The following SERGEF variants were observed in gnomAD, a reference collection of about 807,000 sequenced individuals.
The protein encoded by SERGEF is secretion-regulating guanine nucleotide exchange factor.
SERGEF carries 51 observed loss-of-function variants against 50.0 expected under a neutral mutation model. The ratio of observed to expected loss-of-function variants is 1.02; its 90% CI spans 0.81 to 1.29. The LOEUF is 1.29. Ranked by LOEUF, SERGEF falls within the 50% of genes most tolerant of loss-of-function variation. SERGEF has a pLI of 0.00. For missense variants in SERGEF, 521 were observed against 557.0 expected (o/e 0.94, Z 0.65); for synonymous variants, 205 against 212.4 (o/e 0.97, Z 0.30).
chr11:17,824,781 C>T (rs1454302313), intron 10 of SERGEF, among the ~76,000 whole-genome samples: 3 of 152,194 alleles, frequency 2.0e-5, no homozygotes, highest in Non-Finnish European at 4.4e-5. Context: ...ATTAGGGCTC[C>T]ATCCTTAAGA....
At chr11:17,930,851 A>G (rs1852338938) in intron 9 of SERGEF, among the ~76,000 whole-genome samples, 1 of 152,186 alleles carries the variant, frequency 6.6e-6, no homozygotes, top group Non-Finnish European at 1.5e-5. Flanking sequence ...ACAGTGAGAA[A>G]GATCTGAGAT....
At chr11:17,850,442 T>C (rs996535226) in intron 10 of SERGEF, among the ~76,000 whole-genome samples, 1 of 152,206 alleles carries the variant, frequency 6.6e-6, no homozygotes, top group Non-Finnish European at 1.5e-5. Flanking sequence ...AATGTTATAA[T>C]GAGTGTAAAA....
chr11:17,891,012 T>C (rs16934794), intron 9 of SERGEF, among the ~76,000 whole-genome samples: 8,854 of 152,270 alleles, frequency 0.058, 878 homozygotes, highest in African/African-American at 0.2. Flanking sequence ...AGCTCTTACC[T>C]AGAGGCATCT....
chr11:17,788,287 C>T lies in SERGEF; in HGVS notation c.1175G>A (p.Gly392Glu). The change falls in exon 11 of 11, where the codon GGG becomes GAG. Residue 392 changes from glycine to glutamate, a missense_variant. Coordinates refer to ENST00000265965, the MANE Select transcript of SERGEF (RefSeq NM_012139.4). ...GCAGAGGGCCAAGGAGTGGCCAGCC[C>T]CACAGCCCACAAGGAGTCCTGACGA... is the stretch of plus-strand genomic sequence containing the variant. ...LSSSGLLVGC[G>E]AGHSLALCQL... is the part of the protein sequence containing the mutation. 4 of 1,614,174 alleles carry T rather than the reference C, an allele frequency of 2.5e-6. No homozygotes were observed. The East Asian group carries it at 8.9e-5, about 36-fold the overall frequency.
intron 10 of SERGEF, among the ~76,000 whole-genome samples, chr11:17,867,653 C>A (rs1243416728): frequency 2.0e-5 from 3 of 152,232 alleles, no homozygotes; most frequent in Non-Finnish European, 2.9e-5. Context: ...TCTGACCCCA[C>A]ATTTCCCTTC....
chr11:17,878,162 C>A, intron 10 of SERGEF, 46 bp downstream of exon 10: 1 of 1,394,012 alleles, frequency 7.2e-7, no homozygotes, highest in South Asian at 1.2e-5. Context: ...CCAATTCTGC[C>A]ACATGATTTT....
chr11:17,905,772 G>A (rs1209168408), intron 9 of SERGEF, among the ~76,000 whole-genome samples: 1 of 152,232 alleles, frequency 6.6e-6, no homozygotes, highest in East Asian at 1.9e-4. Context: ...CTATGCTCTG[G>A]TCCTTTCCTC....
At chr11:17,948,704 GGA>G (rs1852717225) in intron 9 of SERGEF, among the ~76,000 whole-genome samples, 1 of 152,298 alleles carries the variant, frequency 6.6e-6, no homozygotes, top group South Asian at 2.1e-4. Context: ...GGCCCCTGTG[GGA>G]GCCACAGTAG....
intron 1 of SERGEF, chr11:18,012,421 A>C: frequency 1.1e-6 from 1 of 923,860 alleles, no homozygotes; most frequent in Non-Finnish European, 1.3e-6. Context: ...CCCCCAACAC[A>C]TGCAAGAACC....
At chr11:17,987,179 A>T (rs1853618049) in intron 8 of SERGEF, among the ~76,000 whole-genome samples, 1 of 152,260 alleles carries the variant, frequency 6.6e-6, no homozygotes, top group Non-Finnish European at 1.5e-5. Context: ...CTTTCTGTTC[A>T]TGAACATCTA....
At chr11:17,995,700 A>G (rs752824381) in intron 6 of SERGEF, 96 bp downstream of exon 6, 7 of 861,254 alleles carry the variant, frequency 8.1e-6, no homozygotes, top group Non-Finnish European at 1.3e-5. Context: ...ACCAAGAAAT[A>G]GCAAAATCAA....
Position 17,958,578 on chromosome 11 carries a change from A to C in SERGEF, c.1011+892T>G, listed in dbSNP as rs1852922840. Among the ~76,000 whole-genome samples, 5 of 152,210 alleles carry C rather than the reference A, an allele frequency of 3.3e-5. No individual in the cohort carries two copies. The South Asian group carries it at 1.0e-3, about 32-fold the overall frequency. ...AGTGTTTTCTGGACTGGGAAAAATA[A>C]ACACGAGTATAAAATGTTTAGCTCA... On this transcript the variant is annotated intron_variant, in intron 9 of 10. Coordinates refer to ENST00000265965, the MANE Select transcript of SERGEF (RefSeq NM_012139.4).
chr11:17,844,319 T>C (rs1163935447), intron 10 of SERGEF, among the ~76,000 whole-genome samples: 1 of 152,234 alleles, frequency 6.6e-6, no homozygotes. Context: ...CAATGTTATA[T>C]GTTTACTGAA....
At chr11:17,847,154 G>C (rs1387432345) in intron 10 of SERGEF, among the ~76,000 whole-genome samples, 1 of 152,242 alleles carries the variant, frequency 6.6e-6, no homozygotes. Flanking sequence ...GGTCACTGCC[G>C]CAAATTGAAT....
At chr11:17,999,305 G>T (rs976039998) in intron 5 of SERGEF, among the ~76,000 whole-genome samples, 9 of 152,200 alleles carry the variant, frequency 5.9e-5, no homozygotes, top group Non-Finnish European at 1.0e-4. Flanking sequence ...TCCTCATTAT[G>T]TTATTGTACT....
chr11:17,913,371 G>C (rs1175592792), intron 9 of SERGEF, among the ~76,000 whole-genome samples: 1 of 152,178 alleles, frequency 6.6e-6, no homozygotes, highest in Non-Finnish European at 1.5e-5. Flanking sequence ...ATACACCCTT[G>C]GGCCCCTGAC....
At position 17,888,662 on chromosome 11, in the gene SERGEF, C is replaced by A. The variant is rs951898375; in HGVS notation, c.1012-10418G>T. ...ACACACACACACACACACACACACA[C>A]ACACACACACACACACGCATTGAGT... On this transcript the variant is annotated intron_variant, in intron 9 of 10. Transcript: ENST00000265965. The surrounding 1 kb of genome is among the most constrained non-coding windows in gnomAD (Gnocchi z 4.1). 7.1e-6 allele frequency among the ~76,000 whole-genome samples: 1 copy of A among 141,450 alleles called. No homozygotes were observed. The highest frequency in any genetic ancestry group is 2.1e-4 in the South Asian group (1 of 4,654). The allele number at this position is 141,450 out of a possible 152,430, so 92.8% of individuals were successfully genotyped here. A position where few individuals can be genotyped will look rare whatever the true frequency, so the allele number is the denominator to read the frequency against.
intron 10 of SERGEF, among the ~76,000 whole-genome samples, chr11:17,830,576 G>C (rs574123680): frequency 1.1e-4 from 16 of 149,206 alleles, no homozygotes; most frequent in Non-Finnish European, 2.2e-4. Flanking sequence ...AAGAGAGGGA[G>C]AGAGATGGGG....
intron 9 of SERGEF, among the ~76,000 whole-genome samples, chr11:17,896,537 TGGAAGGGGAAG>T (rs1469703539): frequency 3.9e-5 from 5 of 127,162 alleles, no homozygotes; most frequent in Non-Finnish European, 6.5e-5. Context: ...ACAGAAGACT[TGGAAGGGGAAG>T]GGAAGGGGAA....
Sources: gnomAD v4.1 joint callset for allele counts (sites outside exome capture counted in the v4.1 genomes callset) on GRCh38, gnomAD v4.1.1 for gene constraint, Gnocchi (gnomAD v3.1) non-coding constraint, MANE v1.5 for transcripts, NCBI Gene and HGNC (gene_info 2026-07-23, HGNC 2026-07-21) for gene names.